HMGCLL1: variants seen among roughly 807,000 people sequenced by gnomAD.
HMGCLL1 encodes 3-hydroxy-3-methylglutaryl-CoA lyase like 1.
A neutral mutation model predicts 39.1 loss-of-function variants in HMGCLL1; 36 were observed. That is an observed-to-expected ratio of 0.92 (90% CI 0.71 to 1.22). HMGCLL1 has a LOEUF of 1.22. Among genes scored for constraint, HMGCLL1 ranks in the 50% most tolerant of loss-of-function variants. The pLI, the probability that HMGCLL1 is intolerant of heterozygous loss-of-function variation, is 0.00. For synonymous variants in HMGCLL1, 149 were observed against 144.0 expected (o/e 1.03, Z -0.25); for missense variants, 451 against 416.5 (o/e 1.08, Z -0.72).
At chr6:55,586,434 G>A in the HMGCLL1 span, among the ~76,000 whole-genome samples, 1 of 151,452 alleles carries the variant, frequency 6.6e-6, no homozygotes, top group East Asian at 1.9e-4. Context: ...TAAGGTACAT[G>A]TGCACAATGA....
chr6:55,545,247 G>A lies in HMGCLL1; in HGVS notation c.109-3107C>T, dbSNP rs543520880. On this transcript the variant is annotated intron_variant, in intron 1 of 8. Coordinates refer to ENST00000274901, the MANE Select transcript of HMGCLL1 (RefSeq NM_001042406.2). The stretch of plus-strand genomic sequence containing the variant: ...AAAAAAAGAAGAAAAAGAAAGGTAC[G>A]TAGTGTTTTTTAAGGTAATAACCAT... Among the ~76,000 whole-genome samples, 8 of 150,886 alleles carry A rather than the reference G, an allele frequency of 5.3e-5. No homozygotes were observed. In the South Asian group the frequency reaches 6.3e-4, roughly 12 times the overall value.
chr6:55,560,245 G>C (rs1770881505), intron 1 of HMGCLL1, among the ~76,000 whole-genome samples: 1 of 152,104 alleles, frequency 6.6e-6, no homozygotes. Context: ...GTTTTCTTAG[G>C]ACTTTAAAGT....
intron 5 of HMGCLL1, among the ~76,000 whole-genome samples, chr6:55,511,853 G>A (rs1417773220): frequency 1.3e-5 from 2 of 152,072 alleles, no homozygotes; most frequent in Non-Finnish European, 2.9e-5. Flanking sequence ...GAAAATGAGA[G>A]TGTTTCAGAA....
At chr6:55,654,042 T>C in the HMGCLL1 span, among the ~76,000 whole-genome samples, 22,795 of 151,908 alleles carry the variant, frequency 0.15, 2,022 homozygotes, top group Non-Finnish European at 0.2. Flanking sequence ...AAGACTGGGA[T>C]CATCATCTAA....
chr6:55,640,879 T>C, the HMGCLL1 span, among the ~76,000 whole-genome samples: 1 of 151,972 alleles, frequency 6.6e-6, no homozygotes, highest in South Asian at 2.1e-4. Flanking sequence ...TTAAAAATAT[T>C]TTTGGAAAGA....
chr6:55,662,803 A>G, the HMGCLL1 span, among the ~76,000 whole-genome samples: 1 of 151,674 alleles, frequency 6.6e-6, no homozygotes, highest in Non-Finnish European at 1.5e-5. Flanking sequence ...CTGTGAATCC[A>G]TCTGACCCTG....
chr6:55,460,757 G>A (rs898648363), intron 7 of HMGCLL1, among the ~76,000 whole-genome samples: 1 of 151,858 alleles, frequency 6.6e-6, no homozygotes, highest in African/African-American at 2.4e-5. Context: ...CTAAAAGTAA[G>A]GGGGACAGTA....
intron 7 of HMGCLL1, among the ~76,000 whole-genome samples, chr6:55,463,091 C>T (rs1241251255): frequency 1.3e-5 from 2 of 149,318 alleles, no homozygotes; most frequent in Admixed American, 6.7e-5. Flanking sequence ...AGTGCAGTAG[C>T]GCAATCTCGG....
rs777889714 is a variant in HMGCLL1, at chr6:55,435,611, T to C, written c.*51A>G. 3.0e-6 allele frequency: 3 copies of C among 994,642 alleles called. No individual in the cohort carries two copies. The highest frequency in any genetic ancestry group is 1.5e-5 in the South Asian group (1 of 65,530). The allele number at this position is 994,642 out of a possible 1,614,324, so 61.6% of individuals were successfully genotyped here. A position where few individuals can be genotyped will look rare whatever the true frequency, so the allele number is the denominator to read the frequency against. On this transcript the variant is annotated 3_prime_UTR_variant, in exon 9 of 9. Transcript: ENST00000274901. ...TTGGCATTAATGATTTTCAGATGAGTATTGTAGCTGAAATTGATCTTCTCA... is the reference window on the plus strand; with the variant it reads ...TTGGCATTAATGATTTTCAGATGAGCATTGTAGCTGAAATTGATCTTCTCA...
At position 55,474,879 on chromosome 6, in the gene HMGCLL1, G is replaced by A. The variant is rs148981765; in HGVS notation, c.795+20540C>T. On this transcript the variant is annotated intron_variant, in intron 7 of 8. Transcript: ENST00000274901. ...TGTCTTTGCCTTTTCTATATAAGGC[G>A]GGCTTTCCTAAGTATTCCTTCTCAG... Among the ~76,000 whole-genome samples, 101 of 151,688 alleles carry A rather than the reference G, an allele frequency of 6.7e-4. No individual in the cohort carries two copies. In the East Asian group the frequency reaches 0.017, roughly 25 times the overall value.
the HMGCLL1 span, among the ~76,000 whole-genome samples, chr6:55,601,073 A>AT: frequency 1.3e-5 from 2 of 152,172 alleles, no homozygotes; most frequent in Non-Finnish European, 2.9e-5. Flanking sequence ...AATAATTTAG[A>AT]TTTACCTGGG....
intron 1 of HMGCLL1, among the ~76,000 whole-genome samples, chr6:55,544,869 T>C (rs917259965): frequency 6.6e-6 from 1 of 152,126 alleles, no homozygotes; most frequent in Non-Finnish European, 1.5e-5. Flanking sequence ...GAAGTTAACC[T>C]GAGAGAGTGG....
intron 3 of HMGCLL1, 59 bp downstream of exon 3, chr6:55,541,670 C>A: frequency 3.7e-6 from 3 of 817,084 alleles, no homozygotes; most frequent in Non-Finnish European, 5.9e-6. Flanking sequence ...CAGTATTTAC[C>A]AAATATTTTT....
chr6:55,612,446 C>A, the HMGCLL1 span, among the ~76,000 whole-genome samples: 3 of 151,814 alleles, frequency 2.0e-5, no homozygotes, highest in Non-Finnish European at 4.4e-5. Context: ...AGAAAAAAAA[C>A]CTACTTTAAA....
chr6:55,559,521 T>G (rs1181520313), intron 1 of HMGCLL1, among the ~76,000 whole-genome samples: 1 of 152,168 alleles, frequency 6.6e-6, no homozygotes, highest in East Asian at 1.9e-4. Flanking sequence ...TCCTATGGTC[T>G]CTTTTCCCAG....
chr6:55,633,210 A>G, the HMGCLL1 span, among the ~76,000 whole-genome samples: 2 of 152,036 alleles, frequency 1.3e-5, no homozygotes, highest in African/African-American at 2.4e-5. Context: ...GGGAACTTAC[A>G]TGAACTTTTG....
chr6:55,570,260 C>A (rs1241455732), intron 1 of HMGCLL1, among the ~76,000 whole-genome samples: 1 of 152,186 alleles, frequency 6.6e-6, no homozygotes, highest in Non-Finnish European at 1.5e-5. Context: ...CAGCTTCACA[C>A]CTAAAACATT....
intron 7 of HMGCLL1, among the ~76,000 whole-genome samples, chr6:55,461,754 A>T (rs536427235): frequency 6.6e-6 from 1 of 152,260 alleles, no homozygotes; most frequent in South Asian, 2.1e-4. Context: ...ACTTGATTTG[A>T]CTATTTAGAC....
chr6:55,614,562 A>G, the HMGCLL1 span, among the ~76,000 whole-genome samples: 2 of 152,202 alleles, frequency 1.3e-5, no homozygotes, highest in Non-Finnish European at 2.9e-5. Flanking sequence ...AATTAATTCT[A>G]ATCACATGCA....
Sources: allele counts gnomAD v4.1 joint callset (sites outside exome capture counted in the v4.1 genomes callset), GRCh38; gene constraint gnomAD v4.1.1; transcripts MANE v1.5; gene names NCBI Gene and HGNC (gene_info 2026-07-23, HGNC 2026-07-21).